The following TSPEAR variants were observed in gnomAD, a reference collection of about 807,000 sequenced individuals.
The protein encoded by TSPEAR is thrombospondin-type laminin G domain and EAR repeat-containing protein.
In TSPEAR, 69 loss-of-function variants were observed where a neutral mutation model predicts 71.6. The ratio of observed to expected loss-of-function variants is 0.96; its 90% confidence interval spans 0.79 to 1.18. The LOEUF (loss-of-function observed/expected upper bound fraction) is 1.18. Among genes scored for constraint, TSPEAR ranks in the 50% most tolerant of loss-of-function variants. TSPEAR has a pLI of 0.00. For missense variants in TSPEAR, 971 were observed against 894.9 expected (o/e 1.09, Z -1.09); for synonymous variants, 402 against 387.2 (o/e 1.04, Z -0.45).
chr21:44,569,274 A>AAACGCAGGG (rs2053753153), intron 1 of TSPEAR, among the ~76,000 whole-genome samples: 1 of 152,164 alleles, frequency 6.6e-6, no homozygotes, highest in Non-Finnish European at 1.5e-5. Context: ...GCAGGGTGTG[A>AAACGCAGGG]TGGGCACTTC....
intron 2 of TSPEAR, chr21:44,539,116 G>T (rs1555916736): frequency 1.8e-5 from 19 of 1,068,130 alleles, no homozygotes; most frequent in Non-Finnish European, 6.5e-6. Flanking sequence ...CTGCTGGAAG[G>T]CAAGAGCTGG....
intron 9 of TSPEAR, chr21:44,517,899 C>T (rs587746664): frequency 5.7e-5 from 27 of 469,648 alleles, no homozygotes; most frequent in African/African-American, 2.4e-4. Context: ...GAGATCTGGG[C>T]GGTTTTCTTC....
At chr21:44,651,828 G>A (rs1323573141) in intron 1 of TSPEAR, among the ~76,000 whole-genome samples, 2 of 152,154 alleles carry the variant, frequency 1.3e-5, no homozygotes, top group Non-Finnish European at 2.9e-5. Flanking sequence ...GCTGGCCACA[G>A]AAGTTCACCT....
At position 44,499,921 on chromosome 21, in the gene TSPEAR, C is replaced by T. The variant is rs1208700585; in HGVS notation, c.1872G>A (p.Glu624=). 1.9e-6 allele frequency: 3 copies of T among 1,606,794 alleles called. No individual in the cohort carries two copies. The highest frequency in any genetic ancestry group is 1.7e-6 in the Non-Finnish European group (2 of 1,177,898). The change falls in exon 12 of 12, where the codon GAG becomes GAA. Residue 624 remains glutamate (E), a synonymous_variant. Coordinates refer to ENST00000323084, the MANE Select transcript of TSPEAR (RefSeq NM_144991.3). ...NSIIYRWQGY[E]GFVAVHSLPT... Reference sequence around the variant, plus strand: ...GGAGGCTGTGCACCGCCACGAAGCCCTCGTAGCCCTGCCACCTGCGGAACA... The same window carrying T: ...GGAGGCTGTGCACCGCCACGAAGCCTTCGTAGCCCTGCCACCTGCGGAACA...
chr21:44,604,506 G>C (rs1316334105), intron 1 of TSPEAR, among the ~76,000 whole-genome samples: 1 of 151,788 alleles, frequency 6.6e-6, no homozygotes, highest in Non-Finnish European at 1.5e-5. Flanking sequence ...ATAAGATAAT[G>C]AGATCTCTAT....
At chr21:44,681,363 T>C (rs1224117028) in intron 1 of TSPEAR, among the ~76,000 whole-genome samples, 2 of 151,956 alleles carry the variant, frequency 1.3e-5, no homozygotes, top group Admixed American at 1.3e-4. Flanking sequence ...CACAGGCGGG[T>C]AAGTCACCGC....
intron 1 of TSPEAR, among the ~76,000 whole-genome samples, chr21:44,619,175 C>T (rs1555933083): frequency 6.6e-6 from 1 of 152,234 alleles, no homozygotes; most frequent in Admixed American, 6.5e-5. Context: ...GACCAACATA[C>T]AGAGCCCAGC....
At chr21:44,671,657 G>A (rs1159888826) in intron 1 of TSPEAR, among the ~76,000 whole-genome samples, 1 of 152,120 alleles carries the variant, frequency 6.6e-6, no homozygotes, top group Non-Finnish European at 1.5e-5. Context: ...CATAGCTAAA[G>A]TATTCCAACC....
At chr21:44,614,095 G>C (rs1981910939) in intron 1 of TSPEAR, among the ~76,000 whole-genome samples, 1 of 152,166 alleles carries the variant, frequency 6.6e-6, no homozygotes, top group South Asian at 2.1e-4. Flanking sequence ...TCTGGTGTCT[G>C]TCGGGGTGTC....
intron 1 of TSPEAR, among the ~76,000 whole-genome samples, chr21:44,634,663 G>T (rs1344406530): frequency 6.6e-6 from 1 of 151,964 alleles, no homozygotes; most frequent in African/African-American, 2.4e-5. Flanking sequence ...TTAAAAATAG[G>T]CAAAGTCCTT....
intron 1 of TSPEAR, chr21:44,573,715 C>T: frequency 1.3e-6 from 2 of 1,589,758 alleles, no homozygotes; most frequent in Non-Finnish European, 8.6e-7. Flanking sequence ...CACCCACTCC[C>T]TCCCATCTCC....
At chr21:44,514,191 G>A (rs587706852) in intron 9 of TSPEAR, among the ~76,000 whole-genome samples, 2 of 152,310 alleles carry the variant, frequency 1.3e-5, no homozygotes, top group East Asian at 1.9e-4. Flanking sequence ...CCACCCCCTT[G>A]ACAGATGTGC....
At chr21:44,601,655 G>C in intron 1 of TSPEAR, 1 of 1,613,104 alleles carries the variant, frequency 6.2e-7, no homozygotes, top group Non-Finnish European at 8.5e-7. Flanking sequence ...CCAGCCTCCT[G>C]TGTGTCTCTC....
intron 5 of TSPEAR, among the ~76,000 whole-genome samples, chr21:44,529,072 G>A (rs782387695): frequency 6.6e-6 from 1 of 152,156 alleles, no homozygotes; most frequent in East Asian, 1.9e-4. Flanking sequence ...CCTGCCAGCC[G>A]GTGCTGGCCA....
chr21:44,532,855 C>G (rs1378631679), intron 3 of TSPEAR, among the ~76,000 whole-genome samples: 4 of 152,190 alleles, frequency 2.6e-5, no homozygotes, highest in African/African-American at 9.6e-5. Flanking sequence ...TCCAAGGCTA[C>G]AAAGGATAAT....
chr21:44,647,622 T>G (rs1019622449), intron 1 of TSPEAR: 1 of 534,980 alleles, frequency 1.9e-6, no homozygotes, highest in African/African-American at 1.9e-5. Context: ...GAAGAACTGC[T>G]CTAATCAATA....
At chr21:44,613,087 C>T in intron 1 of TSPEAR, 1 of 730,098 alleles carries the variant, frequency 1.4e-6, no homozygotes, top group East Asian at 2.7e-5. Flanking sequence ...AGGTGCCCAC[C>T]TGCCTGCTGG....
At chr21:44,652,362 G>T (rs952554673) in intron 1 of TSPEAR, among the ~76,000 whole-genome samples, 7 of 152,188 alleles carry the variant, frequency 4.6e-5, no homozygotes, top group African/African-American at 7.2e-5. Context: ...ACTGCTCAGG[G>T]ACGTCTGGAA....
chr21:44,558,314 A>AGG (rs1569185263), intron 2 of TSPEAR: 28 of 1,613,884 alleles, frequency 1.7e-5, no homozygotes, highest in Non-Finnish European at 2.3e-5. Flanking sequence ...GGCAGCATGA[A>AGG]GAGGAAGCCC....
Sources: allele counts gnomAD v4.1 joint callset (sites outside exome capture counted in the v4.1 genomes callset), GRCh38; gene constraint gnomAD v4.1.1; transcripts MANE v1.5; gene names NCBI Gene and HGNC (gene_info 2026-07-23, HGNC 2026-07-21).